Variants in MTHFD2L observed in about 807,000 individuals in gnomAD.
MTHFD2L encodes methylenetetrahydrofolate dehydrogenase (NADP+ dependent) 2 like.
MTHFD2L carries 29 observed loss-of-function variants against 34.9 expected under a neutral mutation model. That is an observed-to-expected ratio of 0.83 (90% CI 0.62 to 1.13). The LOEUF (loss-of-function observed/expected upper bound fraction) is 1.13, where lower values mean the gene tolerates loss of function less well. Ranked by LOEUF, MTHFD2L falls within the 50% of genes most tolerant of loss-of-function variation. The probability of loss-of-function intolerance (pLI) is 0.00; values close to 1 mark genes in which losing one functional copy is unlikely to be tolerated. For missense variants in MTHFD2L, 481 were observed against 446.5 expected, an observed-to-expected ratio of 1.08 and a Z score of -0.70; for synonymous variants, 167 against 155.7, an observed-to-expected ratio of 1.07 and a Z score of -0.54.
intron 6 of MTHFD2L, among the ~76,000 whole-genome samples, chr4:74,255,160 AAG>A (rs1261444729): frequency 2.0e-5 from 3 of 150,750 alleles, no homozygotes; most frequent in Non-Finnish European, 3.0e-5. Context: ...AAAAAAAAAA[AAG>A]AATTAGTTAA....
intron 1 of MTHFD2L, among the ~76,000 whole-genome samples, chr4:74,127,869 G>A (rs1174303270): frequency 1.3e-5 from 2 of 152,046 alleles, no homozygotes; most frequent in Non-Finnish European, 2.9e-5. Context: ...CCACCAACAT[G>A]TATGAGGGTT....
chr4:74,261,554 A>G (rs972341784), intron 6 of MTHFD2L, among the ~76,000 whole-genome samples: 2 of 152,120 alleles, frequency 1.3e-5, no homozygotes, highest in Non-Finnish European at 2.9e-5. Context: ...AAATAAAGCA[A>G]TAAATTCCAT....
At chr4:74,259,199 C>A (rs1423572227) in intron 6 of MTHFD2L, among the ~76,000 whole-genome samples, 3 of 152,150 alleles carry the variant, frequency 2.0e-5, no homozygotes, top group African/African-American at 7.2e-5. Flanking sequence ...GCTGCCAGAA[C>A]TTTTTATCTC....
chr4:74,123,071 G>A (rs1372223694), upstream of MTHFD2L, among the ~76,000 whole-genome samples: 1 of 152,120 alleles, frequency 6.6e-6, no homozygotes, highest in Non-Finnish European at 1.5e-5. Context: ...TAACAAAACA[G>A]TTATATTAAA....
In MTHFD2L at chr4:74,206,637, G is replaced by T. The variant is rs1011062151; in HGVS notation, c.712+5267G>T. On this transcript the variant is annotated intron_variant, in intron 5 of 7. Coordinates refer to ENST00000325278, the MANE Select transcript of MTHFD2L (RefSeq NM_001144978.3). ...TGAAAATGCATTTTGAAGTTAAGCT[G>T]CCCAGTTACATTTTTTTTTTTACTT... is the stretch of plus-strand genomic sequence containing the variant. Among the ~76,000 whole-genome samples the T allele has an allele frequency of 4.6e-5, 7 of 151,982 alleles. No individual in the cohort carries two copies. The South Asian group carries it at 1.0e-3, about 23-fold the overall frequency.
intron 3 of MTHFD2L, among the ~76,000 whole-genome samples, 169 bp downstream of exon 3, chr4:74,175,572 A>G (rs1269530670): frequency 6.6e-6 from 1 of 152,132 alleles, no homozygotes; most frequent in Non-Finnish European, 1.5e-5. Flanking sequence ...TTGTGCTTAC[A>G]TGGACAAAAT....
chr4:74,138,241 C>T (rs1035808708), intron 1 of MTHFD2L, among the ~76,000 whole-genome samples: 1 of 152,102 alleles, frequency 6.6e-6, no homozygotes, highest in Admixed American at 6.5e-5. Context: ...TTTCGATGTA[C>T]ATCTATGTCT....
intron 6 of MTHFD2L, 101 bp from the exon 7 acceptor site, chr4:74,281,324 C>CGTGTGT (rs3832298): frequency 5.7e-4 from 494 of 867,578 alleles, no homozygotes; most frequent in Non-Finnish European, 7.1e-4. Context: ...ATTACACATA[C>CGTGTGT]GTGTGTGTGT....
chr4:74,243,238 C>T (rs527995324), intron 6 of MTHFD2L, among the ~76,000 whole-genome samples: 3 of 152,244 alleles, frequency 2.0e-5, no homozygotes, highest in South Asian at 4.1e-4. Flanking sequence ...ATGCATAAAT[C>T]GGATATATTT....
At chr4:74,236,327 C>G (rs1297181247) in intron 6 of MTHFD2L, among the ~76,000 whole-genome samples, 2 of 152,152 alleles carry the variant, frequency 1.3e-5, no homozygotes, top group Non-Finnish European at 2.9e-5. Flanking sequence ...TTTCTCAATT[C>G]CTTATGGCTT....
chr4:74,237,282 A>G (rs1381573559), intron 6 of MTHFD2L, among the ~76,000 whole-genome samples: 2 of 152,142 alleles, frequency 1.3e-5, no homozygotes, highest in Non-Finnish European at 2.9e-5. Context: ...TGTTTCTTGT[A>G]CCTGGTGAAG....
intron 1 of MTHFD2L, among the ~76,000 whole-genome samples, chr4:74,168,284 A>G (rs1241543596): frequency 1.3e-5 from 2 of 152,152 alleles, no homozygotes; most frequent in Admixed American, 6.5e-5. Flanking sequence ...CACTGCAACC[A>G]TTGGCCTCTT....
intron 5 of MTHFD2L, 143 bp downstream of exon 5, chr4:74,201,513 TGA>T: frequency 2.1e-6 from 1 of 484,272 alleles, no homozygotes; most frequent in Non-Finnish European, 3.5e-6. Flanking sequence ...TTTAGTGATG[TGA>T]GAGTCTTGAA....
At chr4:74,162,504 A>G (rs905189708) in intron 1 of MTHFD2L, among the ~76,000 whole-genome samples, 1 of 126,782 alleles carries the variant, frequency 7.9e-6, no homozygotes, top group African/African-American at 3.4e-5. Flanking sequence ...TTCTCTCCCC[A>G]CTTTTTTTTT....
At chr4:74,276,571 C>T (rs528683034) in intron 6 of MTHFD2L, among the ~76,000 whole-genome samples, 5 of 152,010 alleles carry the variant, frequency 3.3e-5, no homozygotes, top group African/African-American at 1.2e-4. Flanking sequence ...TGGTATATGT[C>T]TTTTATTTAT....
intron 7 of MTHFD2L, among the ~76,000 whole-genome samples, chr4:74,286,251 T>G (rs1748155547): frequency 6.6e-6 from 1 of 152,222 alleles, no homozygotes. Flanking sequence ...CCATCTGTGA[T>G]AACATTATTT....
chr4:74,258,750 ACATT>A (rs1202721797), intron 6 of MTHFD2L, among the ~76,000 whole-genome samples: 1 of 152,178 alleles, frequency 6.6e-6, no homozygotes, highest in South Asian at 2.1e-4. Flanking sequence ...TTTGATTTAA[ACATT>A]CATCATTAAA....
intron 2 of MTHFD2L, 147 bp downstream of exon 2, chr4:74,174,837 T>C (rs1465694508): frequency 5.0e-6 from 3 of 596,768 alleles, no homozygotes; most frequent in Non-Finnish European, 7.8e-6. Context: ...CCAAAGCTTA[T>C]GTTAATTTCA....
At chr4:74,212,740 G>A (rs1449129042) in intron 5 of MTHFD2L, among the ~76,000 whole-genome samples, 1 of 152,150 alleles carries the variant, frequency 6.6e-6, no homozygotes, top group Non-Finnish European at 1.5e-5. Flanking sequence ...TTCAAGTCCT[G>A]AACATCCTTG....
Sources: gnomAD v4.1 joint callset for allele counts (sites outside exome capture counted in the v4.1 genomes callset) on GRCh38, gnomAD v4.1.1 for gene constraint, MANE v1.5 for transcripts, NCBI Gene and HGNC (gene_info 2026-07-23, HGNC 2026-07-21) for gene names.